CTNNA3: variants seen among roughly 807,000 people sequenced by gnomAD.
The protein encoded by CTNNA3 is catenin alpha-3.
Under a neutral mutation model 95.7 loss-of-function variants are expected in CTNNA3, and 76 were observed. The observed-to-expected ratio is 0.79, with a 90% CI of 0.66 to 0.96. The LOEUF is 0.96. Ranked by LOEUF, CTNNA3 falls within the 40% of genes least tolerant of loss-of-function variation. The probability of loss-of-function intolerance (pLI) is 0.00; values close to 1 mark genes in which losing one functional copy is unlikely to be tolerated. For synonymous variants in CTNNA3, 431 were observed against 374.4 expected (o/e 1.15, Z -1.74); for missense variants, 1,191 against 1,089.8 (o/e 1.09, Z -1.31).
chr10:66,248,252 CA>C (rs2090415822), intron 13 of CTNNA3, among the ~76,000 whole-genome samples: 1 of 148,310 alleles, frequency 6.7e-6, no homozygotes, highest in African/African-American at 2.5e-5. Context: ...AACAGATACA[CA>C]AAACATAAAA....
At chr10:66,255,941 G>A (rs749512220) in intron 13 of CTNNA3, among the ~76,000 whole-genome samples, 7 of 152,112 alleles carry the variant, frequency 4.6e-5, no homozygotes, top group Admixed American at 4.6e-4. Context: ...ATGTTCCCGC[G>A]AAGAAAAATC....
intron 9 of CTNNA3, among the ~76,000 whole-genome samples, chr10:66,624,286 C>T (rs191757111): frequency 6.6e-5 from 10 of 152,152 alleles, no homozygotes; most frequent in Admixed American, 5.2e-4. Flanking sequence ...GATGACCTCA[C>T]TGGGATGCTT....
chr10:67,529,821 G>A (rs1370542833), intron 4 of CTNNA3, among the ~76,000 whole-genome samples: 1 of 151,962 alleles, frequency 6.6e-6, no homozygotes, highest in Non-Finnish European at 1.5e-5. Context: ...GTTTGGCTGT[G>A]TTCCCACCCA....
intron 11 of CTNNA3, among the ~76,000 whole-genome samples, chr10:66,427,244 C>A (rs1209786264): frequency 6.6e-6 from 1 of 151,930 alleles, no homozygotes; most frequent in Non-Finnish European, 1.5e-5. Flanking sequence ...GCCCAGGATA[C>A]CTTTGGTTCT....
At chr10:66,481,996 G>A (rs1839554256) in intron 11 of CTNNA3, among the ~76,000 whole-genome samples, 1 of 151,916 alleles carries the variant, frequency 6.6e-6, no homozygotes, top group Admixed American at 6.6e-5. Context: ...AATATCAATA[G>A]GGATGTTATT....
chr10:67,182,449 A>G (rs1395852375), intron 6 of CTNNA3, among the ~76,000 whole-genome samples: 1 of 152,148 alleles, frequency 6.6e-6, no homozygotes, highest in Admixed American at 6.6e-5. Flanking sequence ...AGGATTCCCT[A>G]TTTAATAAAT....
intron 13 of CTNNA3, among the ~76,000 whole-genome samples, chr10:66,118,993 C>CT (rs1482705066): frequency 6.6e-6 from 1 of 152,178 alleles, no homozygotes; most frequent in Non-Finnish European, 1.5e-5. Flanking sequence ...AATCCTGCCT[C>CT]TGTCTCTCAA....
chr10:67,588,077 C>T (rs550929277), intron 3 of CTNNA3, among the ~76,000 whole-genome samples: 207 of 152,080 alleles, frequency 1.4e-3, no homozygotes, highest in African/African-American at 4.8e-3. Flanking sequence ...ATATCTGTCT[C>T]CTTGATTTCT....
At chr10:66,859,369 A>T (rs942441435) in intron 7 of CTNNA3, among the ~76,000 whole-genome samples, 5 of 151,734 alleles carry the variant, frequency 3.3e-5, no homozygotes, top group East Asian at 1.9e-4. Flanking sequence ...ATGAACAGAC[A>T]CTTCTCAAAA....
At chr10:66,964,071 C>A (rs990732681) in intron 7 of CTNNA3, among the ~76,000 whole-genome samples, 1 of 151,822 alleles carries the variant, frequency 6.6e-6, no homozygotes, top group African/African-American at 2.4e-5. Context: ...AGGATGGTCT[C>A]GATCTTCTGA....
At chr10:67,232,895 A>G (rs941819837) in intron 5 of CTNNA3, among the ~76,000 whole-genome samples, 1 of 152,094 alleles carries the variant, frequency 6.6e-6, no homozygotes, top group Non-Finnish European at 1.5e-5. Context: ...AAACCAACAA[A>G]GATCAAAAGA....
chr10:67,711,301 G>A (rs753444641), intron 1 of CTNNA3, among the ~76,000 whole-genome samples: 2 of 152,214 alleles, frequency 1.3e-5, no homozygotes, highest in Non-Finnish European at 2.9e-5. Flanking sequence ...GCAGAGGTTG[G>A]AACAGTTTGG....
At chr10:67,427,026 G>A (rs1410939309) in intron 5 of CTNNA3, among the ~76,000 whole-genome samples, 1 of 151,830 alleles carries the variant, frequency 6.6e-6, no homozygotes, top group African/African-American at 2.4e-5. Context: ...CTTAGTGCGT[G>A]GTAATTAATT....
intron 5 of CTNNA3, among the ~76,000 whole-genome samples, chr10:67,437,526 T>TA (rs1846344322): frequency 1.3e-5 from 2 of 151,956 alleles, no homozygotes; most frequent in Non-Finnish European, 2.9e-5. Context: ...TTTAAAAATA[T>TA]AAAAATTACA....
chr10:67,584,908 C>G (rs1842571994), intron 3 of CTNNA3, among the ~76,000 whole-genome samples: 1 of 152,202 alleles, frequency 6.6e-6, no homozygotes, highest in Non-Finnish European at 1.5e-5. Flanking sequence ...TTGCTAAGAC[C>G]ATTGGAAAAG....
intron 2 of CTNNA3, among the ~76,000 whole-genome samples, chr10:67,645,517 T>C (rs1839678037): frequency 6.6e-6 from 1 of 152,102 alleles, no homozygotes; most frequent in Admixed American, 6.6e-5. Flanking sequence ...TCCTACTCCT[T>C]ATAATTGGAT....
intron 5 of CTNNA3, among the ~76,000 whole-genome samples, chr10:67,352,773 GCCCTT>G (rs1019319645): frequency 2.0e-5 from 3 of 151,948 alleles, no homozygotes; most frequent in African/African-American, 7.2e-5. Flanking sequence ...GTGTCTTCAA[GCCCTT>G]CCCTGAAACT....
intron 11 of CTNNA3, among the ~76,000 whole-genome samples, chr10:66,437,201 G>A (rs1308339307): frequency 1.3e-5 from 2 of 152,088 alleles, no homozygotes; most frequent in African/African-American, 4.8e-5. Flanking sequence ...TCTTTGTGGT[G>A]TTCTCTGTAT....
At chr10:66,157,226 T>C (rs921146574) in intron 13 of CTNNA3, among the ~76,000 whole-genome samples, 2 of 151,938 alleles carry the variant, frequency 1.3e-5, no homozygotes, top group Admixed American at 6.6e-5. Flanking sequence ...CCAAAGTCCA[T>C]TGTATCATTC....
Sources: gnomAD v4.1 joint callset for allele counts (sites outside exome capture counted in the v4.1 genomes callset) on GRCh38, gnomAD v4.1.1 for gene constraint, MANE v1.5 for transcripts, NCBI Gene and HGNC (gene_info 2026-07-23, HGNC 2026-07-21) for gene names.